PLXNA4: variants seen among roughly 807,000 people sequenced by gnomAD.
PLXNA4 encodes plexin-A4.
PLXNA4 carries 44 observed loss-of-function variants against 191.8 expected under a neutral mutation model. That is an observed-to-expected ratio of 0.23 (90% CI 0.18 to 0.29). PLXNA4 has a LOEUF of 0.29. Ranked by LOEUF, PLXNA4 falls within the 10% of genes least tolerant of loss-of-function variation. PLXNA4 has a pLI of 1.00. For synonymous variants in PLXNA4, 1,082 were observed against 1,009.5 expected (o/e 1.07, Z -1.36); for missense variants, 1,800 against 2,488.8 (o/e 0.72, Z 5.89).
intron 3 of PLXNA4, among the ~76,000 whole-genome samples, chr7:132,426,487 G>T (rs780454830): frequency 1.3e-5 from 2 of 152,186 alleles, no homozygotes; most frequent in Non-Finnish European, 2.9e-5. Context: ...CCTCCCTGTT[G>T]GTTGAAGGGG....
chr7:132,181,325 T>A, intron 18 of PLXNA4, 56 bp downstream of exon 18: 1 of 1,604,644 alleles, frequency 6.2e-7, no homozygotes, highest in South Asian at 1.1e-5. Context: ...GAACACCCCC[T>A]TCCATGCAGC....
At chr7:132,295,675 G>A (rs918663411) in intron 4 of PLXNA4, among the ~76,000 whole-genome samples, 1 of 152,134 alleles carries the variant, frequency 6.6e-6, no homozygotes, top group Non-Finnish European at 1.5e-5. Flanking sequence ...TTTGCTCCCT[G>A]CCTCCCTTGG....
chr7:132,344,072 T>C (rs565690906), intron 3 of PLXNA4, among the ~76,000 whole-genome samples: 1 of 152,328 alleles, frequency 6.6e-6, no homozygotes, highest in East Asian at 1.9e-4. Flanking sequence ...CCAACTTGAA[T>C]TACTGTGTCT....
intron 4 of PLXNA4, among the ~76,000 whole-genome samples, chr7:132,289,353 C>T (rs1800799225): frequency 6.6e-6 from 1 of 152,138 alleles, no homozygotes; most frequent in Admixed American, 6.5e-5. Flanking sequence ...GAGTGTTTAT[C>T]ACCTGCTAAC....
intron 9 of PLXNA4, among the ~76,000 whole-genome samples, chr7:132,222,226 G>T (rs542657938): frequency 6.6e-6 from 1 of 152,160 alleles, no homozygotes; most frequent in Non-Finnish European, 1.5e-5. Flanking sequence ...CGGGCAAAAC[G>T]GGATTTGGGC....
chr7:132,188,956 A>AGGAG (rs1562908616), intron 14 of PLXNA4, among the ~76,000 whole-genome samples: 1 of 47,584 alleles, frequency 2.1e-5, no homozygotes, highest in African/African-American at 5.1e-5. Flanking sequence ...CCAGAGAGGA[A>AGGAG]AGGAAAGGAA....
intron 21 of PLXNA4, among the ~76,000 whole-genome samples, chr7:132,171,014 C>T (rs970789098): frequency 6.6e-6 from 1 of 152,196 alleles, no homozygotes; most frequent in South Asian, 2.1e-4. Context: ...GTTCTCCCCA[C>T]CACTGGGGGC....
intron 4 of PLXNA4, among the ~76,000 whole-genome samples, chr7:132,254,515 C>A (rs1324472937): frequency 6.6e-6 from 1 of 152,208 alleles, no homozygotes; most frequent in African/African-American, 2.4e-5. Context: ...TCCTCCTATG[C>A]ATAAAGGGAG....
intron 3 of PLXNA4, chr7:132,385,074 G>C (rs1009055356): frequency 6.5e-7 from 1 of 1,533,058 alleles, no homozygotes; most frequent in Non-Finnish European, 8.8e-7. Flanking sequence ...CAGGACATGA[G>C]CTATGATGTA....
chr7:132,527,352 T>C (rs1421407832), intron 1 of PLXNA4, among the ~76,000 whole-genome samples: 2 of 152,048 alleles, frequency 1.3e-5, no homozygotes, highest in Admixed American at 1.3e-4. Context: ...TCTCAGGAGC[T>C]ACTCTCCCAG....
At chr7:132,445,157 GAAAAAAAAAAAAAA>G (rs71529762) in intron 3 of PLXNA4, among the ~76,000 whole-genome samples, 5 of 53,792 alleles carry the variant, frequency 9.3e-5, no homozygotes, top group Admixed American at 3.1e-4. Flanking sequence ...TCCATCTCAG[GAAAAAAAAAAAAAA>G]AAAAAAAAAA....
chr7:132,438,711 C>T (rs1795571174), intron 3 of PLXNA4, among the ~76,000 whole-genome samples: 1 of 152,304 alleles, frequency 6.6e-6, no homozygotes, highest in Admixed American at 6.5e-5. Context: ...CATATTAACA[C>T]CTCAATAGCT....
chr7:132,542,086 G>A (rs774832357), intron 1 of PLXNA4, among the ~76,000 whole-genome samples: 17 of 152,178 alleles, frequency 1.1e-4, no homozygotes, highest in Non-Finnish European at 2.4e-4. Context: ...AAGTTCAGAG[G>A]AGAGGTGGGT....
At chr7:132,542,566 A>G (rs1026970409) in intron 1 of PLXNA4, among the ~76,000 whole-genome samples, 1 of 152,192 alleles carries the variant, frequency 6.6e-6, no homozygotes, top group African/African-American at 2.4e-5. Context: ...TAGAAAATTC[A>G]TAGCCATTAC....
At chr7:132,151,180 TAAG>T (rs1226406625) in intron 25 of PLXNA4, among the ~76,000 whole-genome samples, 1 of 144,662 alleles carries the variant, frequency 6.9e-6, no homozygotes, top group African/African-American at 2.6e-5. Flanking sequence ...GGTGAAAGAA[TAAG>T]AAGAAAGGAG....
At chr7:132,464,773 C>T (rs948960080) in intron 3 of PLXNA4, among the ~76,000 whole-genome samples, 1 of 152,128 alleles carries the variant, frequency 6.6e-6, no homozygotes, top group Admixed American at 6.5e-5. Flanking sequence ...CTAAAGGATG[C>T]CAGTGGTGTA....
intron 4 of PLXNA4, among the ~76,000 whole-genome samples, chr7:132,266,847 C>A (rs936495259): frequency 6.6e-6 from 1 of 152,202 alleles, no homozygotes; most frequent in African/African-American, 2.4e-5. Flanking sequence ...GAACTACTTC[C>A]ATTTTGGAAT....
At chr7:132,265,333 A>G (rs1231568373) in intron 4 of PLXNA4, among the ~76,000 whole-genome samples, 1 of 152,206 alleles carries the variant, frequency 6.6e-6, no homozygotes, top group Non-Finnish European at 1.5e-5. Context: ...ATTATCAAGC[A>G]TTTGTTAAGT....
intron 2 of PLXNA4, among the ~76,000 whole-genome samples, chr7:132,640,098 T>C (rs1247667485): frequency 6.6e-6 from 1 of 152,222 alleles, no homozygotes; most frequent in Non-Finnish European, 1.5e-5. Context: ...ACATGAGATA[T>C]CTCTGTTATT....
Sources: gnomAD v4.1 joint callset for allele counts (sites outside exome capture counted in the v4.1 genomes callset) on GRCh38, gnomAD v4.1.1 for gene constraint, MANE v1.5 for transcripts, NCBI Gene and HGNC (gene_info 2026-07-23, HGNC 2026-07-21) for gene names.